The following JARID2 variants were observed in gnomAD, a reference collection of about 807,000 sequenced individuals.
JARID2 encodes jumonji and AT-rich interaction domain containing 2, also known as protein Jumonji.
A neutral mutation model predicts 125.6 loss-of-function variants in JARID2; 21 were observed. That is an observed-to-expected ratio of 0.17 (90% CI 0.12 to 0.24). The LOEUF (loss-of-function observed/expected upper bound fraction) is 0.24. Among genes scored for constraint, JARID2 ranks in the 10% least tolerant of loss-of-function variants. The pLI is 1.00. For missense variants in JARID2, 1,303 were observed against 1,639.6 expected, an observed-to-expected ratio of 0.79 and a Z score of 3.55; for synonymous variants, 736 against 661.6, an observed-to-expected ratio of 1.11 and a Z score of -1.73.
intron 1 of JARID2, among the ~76,000 whole-genome samples, chr6:15,357,800 C>A (rs1267767123): frequency 6.6e-6 from 1 of 152,178 alleles, no homozygotes; most frequent in Non-Finnish European, 1.5e-5. Context: ...TTTAGGACGA[C>A]ACTGGCATGC....
intron 17 of JARID2, among the ~76,000 whole-genome samples, chr6:15,518,158 C>T (rs1771655550): frequency 6.6e-6 from 1 of 152,264 alleles, no homozygotes. Flanking sequence ...TGTCCAGGCA[C>T]AGTTGCAAAT....
intron 1 of JARID2, among the ~76,000 whole-genome samples, chr6:15,284,748 A>G (rs1337950028): frequency 6.6e-6 from 1 of 152,294 alleles, no homozygotes; most frequent in Non-Finnish European, 1.5e-5. Context: ...CAGCCTCCCA[A>G]AGTGCTGGGA....
chr6:15,422,697 C>T (rs999255445), intron 3 of JARID2, among the ~76,000 whole-genome samples: 2 of 152,204 alleles, frequency 1.3e-5, no homozygotes, highest in South Asian at 2.1e-4. Flanking sequence ...TAGAGCCCCA[C>T]CATGGGTGTC....
intron 1 of JARID2, among the ~76,000 whole-genome samples, chr6:15,341,053 A>C (rs1176676913): frequency 6.6e-6 from 1 of 152,196 alleles, no homozygotes; most frequent in Non-Finnish European, 1.5e-5. Context: ...ATTCAAAAGG[A>C]AGTCTTTTCT....
At chr6:15,267,983 T>C (rs1760153192) in intron 1 of JARID2, among the ~76,000 whole-genome samples, 1 of 152,112 alleles carries the variant, frequency 6.6e-6, no homozygotes, top group Non-Finnish European at 1.5e-5. Flanking sequence ...GATCGGTTAA[T>C]AGTATGGACA....
intron 3 of JARID2, among the ~76,000 whole-genome samples, chr6:15,434,454 A>G (rs1451849343): frequency 6.6e-6 from 1 of 152,206 alleles, no homozygotes; most frequent in East Asian, 1.9e-4. Context: ...AAATAGGGTC[A>G]GCTGTCATCT....
intron 7 of JARID2, among the ~76,000 whole-genome samples, chr6:15,498,235 G>T (rs1418815826): frequency 6.6e-6 from 1 of 152,162 alleles, no homozygotes. Flanking sequence ...GGGATCTGTT[G>T]ACCTTTTTTC....
chr6:15,342,822 A>G (rs1239890270), intron 1 of JARID2, among the ~76,000 whole-genome samples: 1 of 152,064 alleles, frequency 6.6e-6, no homozygotes, highest in Non-Finnish European at 1.5e-5. Context: ...ACTTACCCAT[A>G]ATTTAGGTGT....
At chr6:15,481,635 G>GC (rs1769621220) in intron 5 of JARID2, among the ~76,000 whole-genome samples, 1 of 151,884 alleles carries the variant, frequency 6.6e-6, no homozygotes, top group African/African-American at 2.4e-5. Context: ...TCCTCCCCCT[G>GC]CCCCCTTTAC....
chr6:15,436,757 G>A (rs1767221970), intron 3 of JARID2, among the ~76,000 whole-genome samples: 1 of 152,042 alleles, frequency 6.6e-6, no homozygotes, highest in Admixed American at 6.5e-5. Context: ...AAAAATCCCA[G>A]CAATCTTTTC....
At chr6:15,274,779 C>A (rs1201804176) in intron 1 of JARID2, among the ~76,000 whole-genome samples, 3 of 152,098 alleles carry the variant, frequency 2.0e-5, no homozygotes, top group African/African-American at 7.2e-5. Flanking sequence ...TAGAGGTATC[C>A]ACTCCCCCTT....
rs148887991 is a variant in JARID2 at position 15,514,551 on chromosome 6, T to C, written c.3450+1129T>C. Among the ~76,000 whole-genome samples, 14 of 152,300 alleles carry C rather than the reference T, an allele frequency of 9.2e-5. No individual in the cohort carries two copies. In the East Asian group the frequency reaches 2.7e-3, roughly 29 times the overall value. Reference sequence around the variant, plus strand: ...ACTCTCCTTGGCCTCCCAGTGTGACTGTGTCATGCCGTCTCACCCCGAGTC... The same window carrying C: ...ACTCTCCTTGGCCTCCCAGTGTGACCGTGTCATGCCGTCTCACCCCGAGTC... On this transcript the variant is annotated intron_variant, in intron 16 of 17. Coordinates refer to ENST00000341776, the MANE Select transcript of JARID2 (RefSeq NM_004973.4).
intron 1 of JARID2, among the ~76,000 whole-genome samples, chr6:15,354,627 A>G (rs1284078940): frequency 6.6e-6 from 1 of 152,166 alleles, no homozygotes; most frequent in Non-Finnish European, 1.5e-5. Context: ...TGTACTTAAC[A>G]TTCCCCAAGA....
chr6:15,269,276 T>TGG (rs201914982), intron 1 of JARID2, among the ~76,000 whole-genome samples: 12 of 151,684 alleles, frequency 7.9e-5, no homozygotes, highest in African/African-American at 2.7e-4. Flanking sequence ...GCATTCTTGT[T>TGG]GGGGGGGGCG....
chr6:15,373,520 G>A (rs1433187528), intron 1 of JARID2, among the ~76,000 whole-genome samples: 3 of 152,140 alleles, frequency 2.0e-5, no homozygotes, highest in Middle Eastern at 3.2e-3. Flanking sequence ...GTTGTATGCC[G>A]CCAAGATCAG....
At chr6:15,337,491 G>A (rs1210972165) in intron 1 of JARID2, among the ~76,000 whole-genome samples, 4 of 152,168 alleles carry the variant, frequency 2.6e-5, no homozygotes, top group Non-Finnish European at 5.9e-5. Flanking sequence ...GATGGGGGAG[G>A]TGGGTGGTAG....
At chr6:15,386,958 G>T (rs1764810096) in intron 2 of JARID2, among the ~76,000 whole-genome samples, 2 of 152,190 alleles carry the variant, frequency 1.3e-5, no homozygotes, top group Non-Finnish European at 2.9e-5. Context: ...CTTTGGAGGA[G>T]GCTTCATTCT....
intron 1 of JARID2, among the ~76,000 whole-genome samples, chr6:15,291,445 T>TC (rs561734771): frequency 2.0e-4 from 30 of 152,314 alleles, no homozygotes; most frequent in African/African-American, 7.2e-4. Context: ...TGTTTTCCCC[T>TC]CCTGTTCTCA....
At chr6:15,479,367 G>C (rs955119826) in intron 5 of JARID2, among the ~76,000 whole-genome samples, 1 of 152,132 alleles carries the variant, frequency 6.6e-6, no homozygotes, top group African/African-American at 2.4e-5. Flanking sequence ...TTTAATTTTA[G>C]TGTCGTATGT....
Sources: gnomAD v4.1 joint callset for allele counts (sites outside exome capture counted in the v4.1 genomes callset) on GRCh38, gnomAD v4.1.1 for gene constraint, MANE v1.5 for transcripts, NCBI Gene and HGNC (gene_info 2026-07-23, HGNC 2026-07-21) for gene names.